Variants in LPAR2 observed in about 807,000 individuals in gnomAD.
LPAR2 encodes the protein lysophosphatidic acid receptor 2.
In LPAR2, 10 loss-of-function variants were observed where a neutral mutation model predicts 15.6. That is an observed-to-expected ratio of 0.64 (90% CI 0.39 to 1.09). LPAR2 has a LOEUF of 1.09. Among genes scored for constraint, LPAR2 ranks in the 50% least tolerant of loss-of-function variants. LPAR2 has a pLI of 0.01. For missense variants in LPAR2, 413 were observed against 484.6 expected, an observed-to-expected ratio of 0.85 and a Z score of 1.39; for synonymous variants, 204 against 207.4, an observed-to-expected ratio of 0.98 and a Z score of 0.14.
rs990319922 is a variant in LPAR2, at chr19:19,626,239, C to T, written c.742+304G>A. 9.2e-5 allele frequency among the ~76,000 whole-genome samples: 14 copies of T among 152,194 alleles called. No homozygotes were observed. Among genetic ancestry groups the T allele is most frequent in the Admixed American group, 7.9e-4 (12 of 15,276 alleles). The stretch of plus-strand genomic sequence containing the variant: ...TGAAACTCAAAATAAGACTCCTGTC[C>T]GTGCCCCTTAAGGCCTTGCTGATCT... On this transcript the variant is annotated intron_variant, in intron 2 of 2. Transcript: ENST00000407877. The surrounding 1 kb of genome is among the most constrained non-coding windows in gnomAD (Gnocchi z 5.3).
At chr19:19,624,789 TTGTGTGTGTGTG>T (rs142248281) in intron 2 of LPAR2, among the ~76,000 whole-genome samples, 44,327 of 143,702 alleles carry the variant, frequency 0.31, 7,903 homozygotes, top group Non-Finnish European at 0.39. Flanking sequence ...ACTGGACATT[TTGTGTGTGTGTG>T]TGTGTGTGTG....
intron 2 of LPAR2, among the ~76,000 whole-genome samples, chr19:19,624,789 T>TTGTGTG (rs142248281): frequency 0.017 from 2,433 of 143,734 alleles, 24 homozygotes; most frequent in South Asian, 0.03. Flanking sequence ...ACTGGACATT[T>TTGTGTG]TGTGTGTGTG....
chr19:19,625,243 AC>A (rs2061734214), intron 2 of LPAR2, among the ~76,000 whole-genome samples: 2 of 152,216 alleles, frequency 1.3e-5, no homozygotes, highest in African/African-American at 2.4e-5. Flanking sequence ...CTGAGGCAGG[AC>A]AATCACTTGA....
intron 2 of LPAR2, among the ~76,000 whole-genome samples, chr19:19,624,789 TTG>T (rs142248281): frequency 0.094 from 13,492 of 143,520 alleles, 769 homozygotes; most frequent in African/African-American, 0.17. Context: ...ACTGGACATT[TTG>T]TGTGTGTGTG....
chr19:19,626,073 G>A lies in LPAR2; in HGVS notation c.742+470C>T, dbSNP rs1009977051. 6.6e-6 allele frequency among the ~76,000 whole-genome samples: 1 copy of A among 151,820 alleles called. No individual in the cohort carries two copies. The highest frequency in any genetic ancestry group is 1.5e-5 in the Non-Finnish European group (1 of 67,988). Reference sequence around the variant, plus strand: ...TAATTTTGCATTTTTAGTAGAGATGGGGTTTCTCCATGTTGGTCAGGCTGG... The same window carrying A: ...TAATTTTGCATTTTTAGTAGAGATGAGGTTTCTCCATGTTGGTCAGGCTGG... On this transcript the variant is annotated intron_variant, in intron 2 of 2. Transcript: ENST00000407877. This position sits in a 1 kb window ranked among gnomAD's most constrained non-coding sequence, Gnocchi z 5.3.
In LPAR2 at chr19:19,627,205, T is replaced by A; in HGVS notation, c.80A>T (p.His27Leu). The change falls in exon 2 of 3, where the codon CAC becomes CTC. Residue 27 changes from histidine to leucine, a missense_variant. Transcript: ENST00000407877. This position sits in a 1 kb window ranked among gnomAD's most constrained non-coding sequence, Gnocchi z 4.7. ...CACGACCACATCCTTGGGCCGCCAG[T>A]GGGAGCTGAGCTCTTTGCCACTGTT... 6.2e-7 allele frequency: 1 copy of A among 1,612,552 alleles called. No individual in the cohort carries two copies. Among genetic ancestry groups the A allele is most frequent in the Non-Finnish European group, 8.5e-7 (1 of 1,180,012 alleles).
chr19:19,624,085 T>A lies in LPAR2; in HGVS notation c.*171A>T. On this transcript the variant is annotated 3_prime_UTR_variant, in exon 3 of 3. Transcript: ENST00000407877. ...AGTGGGAGATGACCCAAAGCCCCCA[T>A]TCCCTGGGCAGAGTGGTGTGCCTGG... The A allele has an allele frequency of 1.5e-6, 1 of 688,838 alleles. No homozygotes were observed. The highest frequency in any genetic ancestry group is 2.5e-5 in the Admixed American group (1 of 40,224). The allele number at this position is 688,838 out of a possible 1,614,324, so 42.7% of individuals were successfully genotyped here. A position where few individuals can be genotyped will look rare whatever the true frequency, so the allele number is the denominator to read the frequency against.
Position 19,626,944 on chromosome 19 carries a change from C to G in LPAR2, c.341G>C (p.Ser114Thr). The G allele has an allele frequency of 1.9e-6, 3 of 1,608,854 alleles. No individual in the cohort carries two copies. Among genetic ancestry groups the G allele is most frequent in the Non-Finnish European group, 2.5e-6 (3 of 1,178,170 alleles). Residue 114 changes from serine (S) to threonine (T), a missense_variant, in exon 2 of 3, where the codon AGC (serine) becomes ACC (threonine). By Grantham distance (58) the Ser-to-Thr change is moderately conservative. Transcript: ENST00000407877. The surrounding 1 kb of genome is among the most constrained non-coding windows in gnomAD (Gnocchi z 5.3). Reference sequence around the variant, plus strand: ...CAGTGTGGCCACCGACGCAGTGAGGCTTGTGTCCAGCAAGCCCTGCCGCAG... The same window carrying G: ...CAGTGTGGCCACCGACGCAGTGAGGGTTGTGTCCAGCAAGCCCTGCCGCAG...
Position 19,626,784 on chromosome 19 carries a change from G to A in LPAR2, c.501C>T (p.His167=), listed in dbSNP as rs768308972. 2.5e-6 allele frequency: 4 copies of A among 1,607,574 alleles called. No individual in the cohort carries two copies. Among genetic ancestry groups the A allele is most frequent in the Middle Eastern group, 1.7e-4 (1 of 6,052 alleles). Residue 167 remains histidine, a synonymous_variant, in exon 2 of 3, where the codon CAC becomes CAT. Transcript: ENST00000407877. This position sits in a 1 kb window ranked among gnomAD's most constrained non-coding sequence, Gnocchi z 5.3. ...CCAGGGCACAGAGGCAGTGCCAGGA[G>A]TGGGCAGGCAGCAGCCCCAGGCCCA... is the stretch of plus-strand genomic sequence containing the variant.
Position 19,627,246 on chromosome 19 carries a change from G to T in LPAR2, c.39C>A (p.Ile13=), listed in dbSNP as rs772311027. ...TGCCACTGTTGTTATAGAAGAAGCC[G>T]ATGGTCTCGTTGTAGTAGCACTGGC... The change falls in exon 2 of 3, where the codon ATC becomes ATA. Residue 13 remains isoleucine (I), a synonymous_variant. Transcript: ENST00000407877. This position sits in a 1 kb window ranked among gnomAD's most constrained non-coding sequence, Gnocchi z 4.7. The T allele has an allele frequency of 1.9e-6, 3 of 1,606,898 alleles. No homozygotes were observed. In the Admixed American group the frequency reaches 5.0e-5, roughly 27 times the overall value.
rs1408121123 is a variant in LPAR2, at chr19:19,624,498, T to G, written c.814A>C (p.Asn272His). The G allele has an allele frequency of 1.9e-6, 3 of 1,614,050 alleles. No homozygotes were observed. The highest frequency in any genetic ancestry group is 1.7e-5 in the Admixed American group (1 of 60,014). ...AAGTACTTTTCTACAGCCAGGACAT[T>G]GCAGGACTCACAGCCTAAACCATCC... Residue 272 changes from asparagine (N) to histidine (H), a missense_variant, in exon 3 of 3, where the codon AAT becomes CAT. Coordinates refer to ENST00000407877, the MANE Select transcript of LPAR2 (RefSeq NM_004720.7).
Position 19,626,583 on chromosome 19 carries a change from C to T in LPAR2, c.702G>A (p.Glu234=), listed in dbSNP as rs769219716. The change falls in exon 2 of 3, where the codon GAG becomes GAA. Residue 234 remains glutamate, a synonymous_variant. Transcript: ENST00000407877. This position sits in a 1 kb window ranked among gnomAD's most constrained non-coding sequence, Gnocchi z 5.3. ...CAGTCTTGACCAGGCTGAGCGTGGT[C>T]TCTCGGTAGCGGGGGTGGCAGCTGA... The T allele has an allele frequency of 2.5e-6, 4 of 1,612,550 alleles. No individual in the cohort carries two copies. Among genetic ancestry groups the T allele is most frequent in the South Asian group, 1.1e-5 (1 of 90,976 alleles).
At position 19,624,467 on chromosome 19, in the gene LPAR2, A is replaced by G. The variant is rs1947985613; in HGVS notation, c.845T>C (p.Leu282Pro). 1.2e-6 allele frequency: 2 copies of G among 1,613,980 alleles called. No individual in the cohort carries two copies. Among genetic ancestry groups the G allele is most frequent in the Admixed American group, 1.7e-5 (1 of 59,996 alleles). The change falls in exon 3 of 3, where the codon CTG (leucine) becomes CCG (proline). Residue 282 changes from leucine (L) to proline (P), a missense_variant. Leu to Pro is a moderately conservative substitution (Grantham distance 98). Coordinates refer to ENST00000407877, the MANE Select transcript of LPAR2 (RefSeq NM_004720.7). ...GACCAGGGAGTTGGCCTCGGCCAAC[A>G]GTAGGAAGTACTTTTCTACAGCCAG... is the stretch of plus-strand genomic sequence containing the variant.
intron 2 of LPAR2, among the ~76,000 whole-genome samples, chr19:19,625,666 C>T (rs1376191091): frequency 1.3e-5 from 2 of 150,460 alleles, no homozygotes; most frequent in Non-Finnish European, 3.0e-5. Flanking sequence ...ACCTGTAGTC[C>T]CAGCTACTCA....
Position 19,624,172 on chromosome 19 carries a change from T to C in LPAR2, c.*84A>G, listed in dbSNP as rs571723356. 1.5e-6 allele frequency: 2 copies of C among 1,373,782 alleles called. No homozygotes were observed. The highest frequency in any genetic ancestry group is 3.7e-5 in the Admixed American group (2 of 54,766). 85.1% of individuals were successfully genotyped at this position (1,373,782 alleles called of 1,614,324 possible). A position where few individuals can be genotyped will look rare whatever the true frequency, so the allele number is the denominator to read the frequency against. ...TGTCCTGCCAGTCAGTCAGTCCTGT[T>C]GGTTGGGTTGAGCCAGGAGCACCCA... On this transcript the variant is annotated 3_prime_UTR_variant, in exon 3 of 3. Transcript: ENST00000407877.
rs1313282579 is a variant in LPAR2 at position 19,626,567 on chromosome 19, C to T, written c.718G>A (p.Val240Ile). The T allele has an allele frequency of 2.5e-6, 4 of 1,609,678 alleles. No homozygotes were observed. The African/African-American group carries it at 4.0e-5, about 16-fold the overall frequency. ...CCCAGGATGATGACAACAGTCTTGA[C>T]CAGGCTGAGCGTGGTCTCTCGGTAG... The change falls in exon 2 of 3, where the codon GTC becomes ATC. Residue 240 changes from valine (V) to isoleucine (I), a missense_variant. Physicochemically the swap from Val to Ile is conservative, Grantham distance 29. Coordinates refer to ENST00000407877, the MANE Select transcript of LPAR2 (RefSeq NM_004720.7). This position sits in a 1 kb window ranked among gnomAD's most constrained non-coding sequence, Gnocchi z 5.3.
chr19:19,624,586 G>A lies in LPAR2; in HGVS notation c.743-17C>T. 4 of 1,573,138 alleles carry A rather than the reference G, an allele frequency of 2.5e-6. No individual in the cohort carries two copies. The highest frequency in any genetic ancestry group is 8.7e-7 in the Non-Finnish European group (1 of 1,155,950). ...CGAACGCCCCTGTGGGACAGAGGCG[G>A]AAGTGAGCAGGGCAAGCTGTCAGAG... On this transcript the variant is annotated splice_polypyrimidine_tract_variant and intron_variant, in intron 2 of 2. Transcript: ENST00000407877.
At position 19,627,220 on chromosome 19, in the gene LPAR2, T is replaced by A; in HGVS notation, c.65A>T (p.Lys22Ile). Residue 22 changes from lysine to isoleucine, a missense_variant, in exon 2 of 3, where the codon AAA (lysine) becomes ATA (isoleucine). By Grantham distance (102) the Lys-to-Ile change is moderately radical (BLOSUM62 -3). Transcript: ENST00000407877. This position sits in a 1 kb window ranked among gnomAD's most constrained non-coding sequence, Gnocchi z 4.7. The stretch of plus-strand genomic sequence containing the variant: ...GGGCCGCCAGTGGGAGCTGAGCTCT[T>A]TGCCACTGTTGTTATAGAAGAAGCC... 2 of 1,611,352 alleles carry A rather than the reference T, an allele frequency of 1.2e-6. No individual in the cohort carries two copies. The highest frequency in any genetic ancestry group is 1.7e-6 in the Non-Finnish European group (2 of 1,180,000).
rs115172046 is a variant in LPAR2, at chr19:19,627,498, A to G, written c.1-214T>C. On this transcript the variant is annotated intron_variant, in intron 1 of 2. Coordinates refer to ENST00000407877, the MANE Select transcript of LPAR2 (RefSeq NM_004720.7). This position sits in a 1 kb window ranked among gnomAD's most constrained non-coding sequence, Gnocchi z 4.7. ...AGGAGCAGCTGTTTCTTACCTACTA[A>G]TAAGACCTGTGTGCAAGACATCACC... 2.1e-3 allele frequency: 1,230 copies of G among 576,826 alleles called. 10 individuals carry two copies. The highest frequency in any genetic ancestry group is 0.021 in the African/African-American group (1,118 of 53,502). 35.7% of individuals were successfully genotyped at this position (576,826 alleles called of 1,614,324 possible). A position where few individuals can be genotyped will look rare whatever the true frequency, so the allele number is the denominator to read the frequency against.
Sources: allele counts gnomAD v4.1 joint callset (sites outside exome capture counted in the v4.1 genomes callset), GRCh38; gene constraint gnomAD v4.1.1; non-coding constraint Gnocchi (gnomAD v3.1); transcripts MANE v1.5; gene names NCBI Gene and HGNC (gene_info 2026-07-23, HGNC 2026-07-21).